Variants in VPS13A observed in about 807,000 individuals in gnomAD.
The protein encoded by VPS13A is vacuolar protein sorting 13 homolog A.
In VPS13A, 264 loss-of-function variants were observed where a neutral mutation model predicts 390.9. That is an observed-to-expected ratio of 0.68 (90% CI 0.61 to 0.75). The LOEUF is 0.75. Among genes scored for constraint, VPS13A ranks in the 30% least tolerant of loss-of-function variants. The pLI is 0.00. For missense variants in VPS13A, 3,409 were observed against 3,733.9 expected, an observed-to-expected ratio of 0.91 and a Z score of 2.27; for synonymous variants, 1,231 against 1,227.1, an observed-to-expected ratio of 1.00 and a Z score of -0.07.
chr9:77,346,615 G>A (rs1350415026), intron 52 of VPS13A, among the ~76,000 whole-genome samples: 3 of 152,142 alleles, frequency 2.0e-5, no homozygotes, highest in African/African-American at 7.2e-5. Context: ...GTCTAGAAGA[G>A]TTTTTCCAGT....
intron 1 of VPS13A, among the ~76,000 whole-genome samples, chr9:77,194,172 G>T (rs559389842): frequency 6.6e-6 from 1 of 152,110 alleles, no homozygotes; most frequent in African/African-American, 2.4e-5. Flanking sequence ...AAAACAGTGC[G>T]GGGAAGCTGT....
chr9:77,307,727 T>A (rs1042811165), intron 34 of VPS13A, among the ~76,000 whole-genome samples: 1 of 152,212 alleles, frequency 6.6e-6, no homozygotes, highest in African/African-American at 2.4e-5. Flanking sequence ...ATTCATAACT[T>A]CATTGGTATT....
At chr9:77,246,200 T>C (rs1824796843) in intron 19 of VPS13A, among the ~76,000 whole-genome samples, 1 of 152,244 alleles carries the variant, frequency 6.6e-6, no homozygotes, top group African/African-American at 2.4e-5. Context: ...TATTTTAATT[T>C]AAATAGATAT....
chr9:77,345,190 G>T, intron 52 of VPS13A, 48 bp downstream of exon 52: 1 of 1,588,262 alleles, frequency 6.3e-7, no homozygotes, highest in South Asian at 1.1e-5. Context: ...AAGTCTAGAT[G>T]ATGAGGCACA....
chr9:77,232,233 T>G (rs1823871221), intron 17 of VPS13A, among the ~76,000 whole-genome samples: 1 of 152,196 alleles, frequency 6.6e-6, no homozygotes, highest in African/African-American at 2.4e-5. Context: ...CAAGAATGTT[T>G]TAGCTGTTCA....
At chr9:77,313,927 A>G (rs905610865) in intron 35 of VPS13A, 65 bp from the exon 36 acceptor site, 57 of 1,483,170 alleles carry the variant, frequency 3.8e-5, no homozygotes, top group Non-Finnish European at 4.5e-5. Flanking sequence ...ATCTATTTCA[A>G]GGGTATTTTA....
intron 43 of VPS13A, 32 bp from the exon 44 acceptor site, chr9:77,321,454 ACATTT>A: frequency 6.2e-7 from 1 of 1,610,844 alleles, no homozygotes; most frequent in Non-Finnish European, 8.5e-7. Flanking sequence ...TTAATTTTAC[ACATTT>A]CATTTTATTT....
chr9:77,343,287 G>A (rs1830941030), intron 50 of VPS13A, among the ~76,000 whole-genome samples: 1 of 152,188 alleles, frequency 6.6e-6, no homozygotes, highest in Admixed American at 6.5e-5. Context: ...TCCTAAGCAT[G>A]TCTCATATCT....
chr9:77,301,904 A>G (rs1828376827), intron 33 of VPS13A, among the ~76,000 whole-genome samples: 1 of 152,152 alleles, frequency 6.6e-6, no homozygotes, highest in Non-Finnish European at 1.5e-5. Flanking sequence ...GTGAGTTAAA[A>G]TGTTTTTATA....
Position 77,416,558 on chromosome 9 carries a change from A to T in VPS13A, c.*552A>T, listed in dbSNP as rs1835175714. 6.5e-6 allele frequency: 1 copy of T among 153,546 alleles called. No individual in the cohort carries two copies. Among genetic ancestry groups the T allele is most frequent in the Non-Finnish European group, 1.4e-5 (1 of 68,970 alleles). 9.5% of individuals were successfully genotyped at this position (153,546 alleles called of 1,614,324 possible). On this transcript the variant is annotated 3_prime_UTR_variant, in exon 72 of 72. Transcript: ENST00000360280. ...ATTATTTTCCTTTTTAATATAAAGG[A>T]TAGGTTTGAATTGTACTTAAAATGC...
At chr9:77,203,535 A>G (rs1825454361) in intron 3 of VPS13A, among the ~76,000 whole-genome samples, 1 of 152,140 alleles carries the variant, frequency 6.6e-6, no homozygotes, top group Admixed American at 6.6e-5. Context: ...GGATCCTCCT[A>G]CCACAGCCAC....
At chr9:77,295,517 A>C in intron 32 of VPS13A, 25 bp from the exon 33 acceptor site, 1 of 1,563,074 alleles carries the variant, frequency 6.4e-7, no homozygotes, top group Non-Finnish European at 8.7e-7. Flanking sequence ...AATAACCTTA[A>C]GAATATAATT....
At chr9:77,414,299 T>A (rs578200881) in intron 71 of VPS13A, among the ~76,000 whole-genome samples, 1 of 152,192 alleles carries the variant, frequency 6.6e-6, no homozygotes, top group Non-Finnish European at 1.5e-5. Flanking sequence ...CATATGTTTA[T>A]TGCGGCACTA....
rs145727246 is a variant in VPS13A at position 77,234,756 on chromosome 9, T to G, written c.1596-3246T>G. On this transcript the variant is annotated intron_variant, in intron 17 of 71. Transcript: ENST00000360280. ...TACCCTCAGTTCCTCAGTACTGTCT[T>G]CTTAGTGTTTGTTAATTTTTTGGGG... 7.6e-4 allele frequency among the ~76,000 whole-genome samples: 115 copies of G among 152,304 alleles called. No homozygotes were observed. The East Asian group carries it at 0.02, about 27-fold the overall frequency.
intron 15 of VPS13A, among the ~76,000 whole-genome samples, 191 bp downstream of exon 15, chr9:77,226,789 A>G (rs1044017746): frequency 6.6e-6 from 1 of 152,104 alleles, no homozygotes; most frequent in Non-Finnish European, 1.5e-5. Flanking sequence ...TTTAAAAATC[A>G]TGCTAGTGCT....
chr9:77,359,148 T>C (rs74804264), intron 57 of VPS13A, among the ~76,000 whole-genome samples, 185 bp from the exon 58 acceptor site: 121 of 152,366 alleles, frequency 7.9e-4, no homozygotes, highest in Non-Finnish European at 1.4e-3. Flanking sequence ...TAACTATAGA[T>C]AGTTTTAAAA....
chr9:77,261,687 C>CCTCCCA (rs1825772900), intron 23 of VPS13A, among the ~76,000 whole-genome samples: 4 of 151,878 alleles, frequency 2.6e-5, no homozygotes, highest in Admixed American at 6.6e-5. Flanking sequence ...CAGGTTCAAG[C>CCTCCCA]GGTTGTCCCA....
At chr9:77,364,359 A>C (rs186878542) in intron 59 of VPS13A, among the ~76,000 whole-genome samples, 127 of 152,280 alleles carry the variant, frequency 8.3e-4, no homozygotes, top group African/African-American at 2.2e-3. Flanking sequence ...CAGGAGGCAC[A>C]AGTTGCAGTG....
intron 23 of VPS13A, among the ~76,000 whole-genome samples, chr9:77,264,958 T>G (rs1825949949): frequency 6.6e-6 from 1 of 152,214 alleles, no homozygotes; most frequent in African/African-American, 2.4e-5. Flanking sequence ...GTTAGTATTT[T>G]GAGATACATT....
Sources: allele counts gnomAD v4.1 joint callset (sites outside exome capture counted in the v4.1 genomes callset), GRCh38; gene constraint gnomAD v4.1.1; transcripts MANE v1.5; gene names NCBI Gene and HGNC (gene_info 2026-07-23, HGNC 2026-07-21).